PLD1: variants seen among roughly 807,000 people sequenced by gnomAD.
PLD1 encodes the protein phospholipase D1.
Under a neutral mutation model 137.1 loss-of-function variants are expected in PLD1, and 112 were observed. The observed-to-expected ratio is 0.82, with a 90% CI of 0.70 to 0.96. The LOEUF (loss-of-function observed/expected upper bound fraction) is 0.96, where lower values mean the gene tolerates loss of function less well. Ranked by LOEUF, PLD1 falls within the 40% of genes least tolerant of loss-of-function variation. PLD1 has a pLI of 0.00. For missense variants in PLD1, 1,321 were observed against 1,342.0 expected, an observed-to-expected ratio of 0.98 and a Z score of 0.24; for synonymous variants, 431 against 454.7, an observed-to-expected ratio of 0.95 and a Z score of 0.66.
intron 1 of PLD1, among the ~76,000 whole-genome samples, chr3:171,738,980 T>A (rs1719582400): frequency 6.6e-6 from 1 of 152,200 alleles, no homozygotes; most frequent in Non-Finnish European, 1.5e-5. Flanking sequence ...TACCAGTAAC[T>A]CTTTGGCACA....
At chr3:171,705,826 A>G (rs1440130945) in intron 11 of PLD1, among the ~76,000 whole-genome samples, 1 of 152,192 alleles carries the variant, frequency 6.6e-6, no homozygotes, top group African/African-American at 2.4e-5. Context: ...AATTAAATCT[A>G]TCTTCTAAGA....
chr3:171,725,376 CA>C (rs1578361022), intron 7 of PLD1, among the ~76,000 whole-genome samples: 1 of 152,120 alleles, frequency 6.6e-6, no homozygotes, highest in East Asian at 1.9e-4. Flanking sequence ...CCAGTTCTAG[CA>C]AACTAGTTGA....
chr3:171,707,518 T>C (rs1396210527), intron 11 of PLD1, among the ~76,000 whole-genome samples: 3 of 152,134 alleles, frequency 2.0e-5, no homozygotes, highest in Non-Finnish European at 4.4e-5. Context: ...TTCCTCCTAG[T>C]AACTGACTGA....
At chr3:171,642,778 A>G in intron 23 of PLD1, 62 bp downstream of exon 23, 1 of 885,216 alleles carries the variant, frequency 1.1e-6, no homozygotes, top group Non-Finnish European at 1.8e-6. Context: ...AACATTAATG[A>G]TTACTGATAC....
At chr3:171,627,201 G>T (rs1436495129) in intron 23 of PLD1, among the ~76,000 whole-genome samples, 1 of 152,100 alleles carries the variant, frequency 6.6e-6, no homozygotes, top group Non-Finnish European at 1.5e-5. Context: ...AAAGGCAGGG[G>T]TTGCAATCCT....
intron 1 of PLD1, among the ~76,000 whole-genome samples, chr3:171,764,833 AAGAAAGAAAGAAAG>A (rs1721710417): frequency 1.3e-4 from 1 of 7,674 alleles, no homozygotes; most frequent in African/African-American, 4.7e-4. Flanking sequence ...AAGAGAAAGA[AAGAAAGAAAGAAAG>A]AAAGAAAGAA....
chr3:171,721,570 C>T (rs1204941191), intron 8 of PLD1: 1 of 152,130 alleles, frequency 6.6e-6, no homozygotes, highest in Admixed American at 6.5e-5. Flanking sequence ...GTCAAAGAAT[C>T]ACAAATGCTT....
chr3:171,780,088 T>G (rs1051297413), intron 1 of PLD1, among the ~76,000 whole-genome samples: 13 of 151,892 alleles, frequency 8.6e-5, no homozygotes, highest in African/African-American at 3.1e-4. Context: ...GATTCAGGAC[T>G]GGGGTTTATA....
At chr3:171,724,525 G>C (rs545296516) in intron 8 of PLD1, among the ~76,000 whole-genome samples, 171 bp downstream of exon 8, 1 of 152,290 alleles carries the variant, frequency 6.6e-6, no homozygotes, top group East Asian at 1.9e-4. Flanking sequence ...TACAAGTTCA[G>C]CTTTGGGTAG....
At position 171,738,096 on chromosome 3, in the gene PLD1, A is replaced by C; in HGVS notation, c.-31-14T>G. ...AAAGCAAAGGGGCTAGGAAAGAAGA[A>C]AACGGTTACAAAGACTTAGCATTTT... On this transcript the variant is annotated splice_polypyrimidine_tract_variant and intron_variant, in intron 1 of 26. Transcript: ENST00000351298. 6.8e-7 allele frequency: 1 copy of C among 1,472,112 alleles called. No individual in the cohort carries two copies. The allele number at this position is 1,472,112 out of a possible 1,614,324, so 91.2% of individuals were successfully genotyped here.
intron 9 of PLD1, among the ~76,000 whole-genome samples, chr3:171,711,817 T>TAAAAA (rs36106956): frequency 1.9e-4 from 19 of 99,164 alleles, no homozygotes; most frequent in African/African-American, 7.1e-4. Context: ...TTATAAATGC[T>TAAAAA]AAAAAAAAAA....
chr3:171,707,877 G>A (rs563826925), intron 11 of PLD1, among the ~76,000 whole-genome samples: 1 of 152,188 alleles, frequency 6.6e-6, no homozygotes, highest in African/African-American at 2.4e-5. Flanking sequence ...CGAAGCAAAA[G>A]ATGTGTTTGC....
intron 21 of PLD1, among the ~76,000 whole-genome samples, chr3:171,652,542 T>C (rs913300819): frequency 1.3e-5 from 2 of 152,152 alleles, no homozygotes; most frequent in African/African-American, 4.8e-5. Context: ...TAGATTTTTC[T>C]TTAAACCCAA....
At position 171,737,905 on chromosome 3, in the gene PLD1, G is replaced by C; in HGVS notation, c.147C>G (p.Pro49=). The change falls in exon 2 of 27, where the codon CCC becomes CCG. Residue 49 remains proline, a synonymous_variant. Coordinates refer to ENST00000351298, the MANE Select transcript of PLD1 (RefSeq NM_002662.5). Reference sequence around the variant, plus strand: ...ATCCGTCTTTACCTTCTTGTATCTTGGGATCGCTGGGAGACACGTCGTAGT... The same window carrying C: ...ATCCGTCTTTACCTTCTTGTATCTTCGGATCGCTGGGAGACACGTCGTAGT... ...EVDYDVSPSD[P]KIQEVYIPFS... is the part of the protein sequence containing the mutation. The C allele has an allele frequency of 6.2e-7, 1 of 1,613,370 alleles. No homozygotes were observed.
intron 1 of PLD1, among the ~76,000 whole-genome samples, chr3:171,806,880 C>T (rs1299496435): frequency 6.6e-6 from 1 of 152,138 alleles, no homozygotes; most frequent in African/African-American, 2.4e-5. Flanking sequence ...ACAGCTAAAC[C>T]CCACAATACC....
intron 12 of PLD1, among the ~76,000 whole-genome samples, chr3:171,694,340 A>C (rs1473967119): frequency 6.6e-6 from 1 of 152,162 alleles, no homozygotes; most frequent in East Asian, 1.9e-4. Flanking sequence ...GTACTATTAC[A>C]ATCAAGAATA....
At chr3:171,702,847 A>T (rs1298646429) in intron 11 of PLD1, among the ~76,000 whole-genome samples, 2 of 152,182 alleles carry the variant, frequency 1.3e-5, no homozygotes, top group East Asian at 3.8e-4. Context: ...TTCAGTAAAC[A>T]AAGGAGGAAC....
At chr3:171,645,755 G>A (rs1397804374) in intron 21 of PLD1, among the ~76,000 whole-genome samples, 1 of 151,830 alleles carries the variant, frequency 6.6e-6, no homozygotes, top group Non-Finnish European at 1.5e-5. Flanking sequence ...GTGGTGGCGG[G>A]CGCCTGTAGT....
At chr3:171,716,368 AT>A (rs1717685599) in intron 8 of PLD1, among the ~76,000 whole-genome samples, 1 of 152,250 alleles carries the variant, frequency 6.6e-6, no homozygotes, top group African/African-American at 2.4e-5. Flanking sequence ...GCATATAAGC[AT>A]TTCCTTTTCT....
Sources: gnomAD v4.1 joint callset for allele counts (sites outside exome capture counted in the v4.1 genomes callset) on GRCh38, gnomAD v4.1.1 for gene constraint, MANE v1.5 for transcripts, NCBI Gene and HGNC (gene_info 2026-07-23, HGNC 2026-07-21) for gene names.